CLASP1: variants seen among roughly 807,000 people sequenced by gnomAD.
CLASP1 encodes the protein CLIP-associating protein 1.
In CLASP1, 38 loss-of-function variants were observed where a neutral mutation model predicts 192.3. The ratio of observed to expected loss-of-function variants is 0.20; its 90% confidence interval spans 0.15 to 0.26. The LOEUF is 0.26. Among genes scored for constraint, CLASP1 ranks in the 10% least tolerant of loss-of-function variants. The probability of loss-of-function intolerance (pLI) is 1.00; values close to 1 mark genes in which losing one functional copy is unlikely to be tolerated. For missense variants in CLASP1, 1,433 were observed against 1,932.5 expected (o/e 0.74, Z 4.85); for synonymous variants, 691 against 712.8 (o/e 0.97, Z 0.49).
In CLASP1 at chr2:121,531,173, G is replaced by C. The variant is rs534161115; in HGVS notation, c.196-848C>G. Among the ~76,000 whole-genome samples the C allele has an allele frequency of 5.9e-5, 9 of 152,230 alleles. No homozygotes were observed. In the South Asian group the frequency reaches 1.5e-3, roughly 25 times the overall value. On this transcript the variant is annotated intron_variant, in intron 2 of 39. Transcript: ENST00000263710. ...TGATTAAACGGGAAGGATTTCAACA[G>C]AACTTCACCCCTTTAACTTTACGCC... is the stretch of plus-strand genomic sequence containing the variant.
chr2:121,414,043 T>C (rs1384961085), intron 23 of CLASP1, among the ~76,000 whole-genome samples, 98 bp downstream of exon 24: 1 of 152,144 alleles, frequency 6.6e-6, no homozygotes, highest in South Asian at 2.1e-4. Flanking sequence ...GGTGCAAACA[T>C]GCCAAGTGCT....
intron 6 of CLASP1, among the ~76,000 whole-genome samples, chr2:121,521,894 T>G (rs1214009937): frequency 6.6e-6 from 1 of 152,162 alleles, no homozygotes. Flanking sequence ...ATTCAAATAG[T>G]TATGGGGCAT....
chr2:121,541,531 C>T (rs1292596030), intron 2 of CLASP1, among the ~76,000 whole-genome samples: 1 of 152,318 alleles, frequency 6.6e-6, no homozygotes, highest in African/African-American at 2.4e-5. Context: ...ATGATATACA[C>T]AAAACCCCAC....
Position 121,617,985 on chromosome 2 carries a change from T to C in CLASP1, c.-285-11805A>G, listed in dbSNP as rs547644674. On this transcript the variant is annotated intron_variant, in intron 1 of 39. Coordinates refer to ENST00000263710, the Ensembl canonical transcript of CLASP1. ...CTGCCAAAAACTCTCCTTACACCTA[T>C]ATTGGCCCGGCTATTCTTTTTCATC... Among the ~76,000 whole-genome samples the C allele has an allele frequency of 9.2e-5, 14 of 152,334 alleles. No individual in the cohort carries two copies. The East Asian group carries it at 1.5e-3, about 17-fold the overall frequency.
intron 1 of CLASP1, among the ~76,000 whole-genome samples, chr2:121,636,240 G>A (rs894576126): frequency 2.6e-5 from 4 of 151,864 alleles, no homozygotes; most frequent in Admixed American, 6.6e-5. Flanking sequence ...GGAGGCTGAG[G>A]CAGGAGACTC....
At chr2:121,343,788 T>C (rs1379576686) in intron 39 of CLASP1, among the ~76,000 whole-genome samples, 1 of 152,140 alleles carries the variant, frequency 6.6e-6, no homozygotes, top group Non-Finnish European at 1.5e-5. Context: ...TAAAAATAGT[T>C]ACAATGGGTC....
intron 2 of CLASP1, among the ~76,000 whole-genome samples, chr2:121,570,332 C>T (rs916744032): frequency 6.6e-6 from 1 of 152,210 alleles, no homozygotes; most frequent in African/African-American, 2.4e-5. Context: ...ATTCAGTGCA[C>T]CACTAAGTAG....
At chr2:121,546,616 G>A (rs944058097) in intron 2 of CLASP1, among the ~76,000 whole-genome samples, 1 of 152,004 alleles carries the variant, frequency 6.6e-6, no homozygotes, top group Admixed American at 6.6e-5. Flanking sequence ...CTCGGGTCAG[G>A]AGACTGCCTC....
chr2:121,568,055 G>A (rs1414447264), intron 2 of CLASP1, among the ~76,000 whole-genome samples: 2 of 152,190 alleles, frequency 1.3e-5, no homozygotes, highest in East Asian at 3.9e-4. Flanking sequence ...GATGTCATCA[G>A]AGTATCCAGT....
At chr2:121,494,457 T>C (rs1443700314) in intron 8 of CLASP1, among the ~76,000 whole-genome samples, 1 of 152,022 alleles carries the variant, frequency 6.6e-6, no homozygotes, top group African/African-American at 2.4e-5. Context: ...CTGGGAAGAA[T>C]AGTGGTGGTG....
At chr2:121,477,969 G>A (rs2091846574) in intron 8 of CLASP1, among the ~76,000 whole-genome samples, 1 of 152,136 alleles carries the variant, frequency 6.6e-6, no homozygotes, top group African/African-American at 2.4e-5. Context: ...TGCTAAGTAT[G>A]TTCTGCACAT....
chr2:121,342,085 G>A (rs1385729476), intron 39 of CLASP1, among the ~76,000 whole-genome samples: 1 of 151,896 alleles, frequency 6.6e-6, no homozygotes, highest in Non-Finnish European at 1.5e-5. Context: ...GAGTAAAGAA[G>A]AGATCATAAG....
intron 7 of CLASP1, among the ~76,000 whole-genome samples, chr2:121,505,870 T>C (rs1390177808): frequency 6.6e-6 from 1 of 152,070 alleles, no homozygotes; most frequent in Non-Finnish European, 1.5e-5. Flanking sequence ...TATATATAAA[T>C]TTTAAATAAT....
At chr2:121,453,898 C>T (rs991263202) in intron 14 of CLASP1, among the ~76,000 whole-genome samples, 10 of 152,190 alleles carry the variant, frequency 6.6e-5, no homozygotes, top group African/African-American at 2.2e-4. Context: ...CTCTTAAGCT[C>T]CCTCTCCCTT....
intron 1 of CLASP1, among the ~76,000 whole-genome samples, chr2:121,625,092 A>G (rs989127176): frequency 2.6e-5 from 4 of 152,208 alleles, no homozygotes; most frequent in African/African-American, 9.6e-5. Flanking sequence ...TCTATCCTGA[A>G]ATGTTCCATA....
intron 2 of CLASP1, among the ~76,000 whole-genome samples, chr2:121,569,246 G>C (rs1446774198): frequency 6.6e-6 from 1 of 152,192 alleles, no homozygotes; most frequent in Non-Finnish European, 1.5e-5. Context: ...GGACGTCACA[G>C]AAGGTTTCTA....
chr2:121,645,877 G>A (rs2073086070), intron 1 of CLASP1, among the ~76,000 whole-genome samples: 1 of 152,142 alleles, frequency 6.6e-6, no homozygotes, highest in African/African-American at 2.4e-5. Context: ...TGGGCATAAA[G>A]CCGGCAGAAA....
intron 7 of CLASP1, among the ~76,000 whole-genome samples, chr2:121,506,348 A>G (rs538913773): frequency 6.6e-6 from 1 of 152,230 alleles, no homozygotes; most frequent in Admixed American, 6.5e-5. Context: ...GCTTGTCTTT[A>G]TCTGACCTGA....
chr2:121,483,494 G>A (rs10181503), intron 8 of CLASP1, among the ~76,000 whole-genome samples: 2 of 151,594 alleles, frequency 1.3e-5, no homozygotes, highest in African/African-American at 4.8e-5. Context: ...ATATATATAT[G>A]TGTGTATATA....
Sources: gnomAD v4.1 joint callset for allele counts (sites outside exome capture counted in the v4.1 genomes callset) on GRCh38, gnomAD v4.1.1 for gene constraint, MANE v1.5 for transcripts, NCBI Gene and HGNC (gene_info 2026-07-23, HGNC 2026-07-21) for gene names.